The following SNX29 variants were observed in gnomAD, a reference collection of about 807,000 sequenced individuals.
SNX29 encodes the protein sorting nexin 29, also known as sorting nexin-29.
A neutral mutation model predicts 102.1 loss-of-function variants in SNX29; 78 were observed. The ratio of observed to expected loss-of-function variants is 0.76; its 90% confidence interval spans 0.64 to 0.92. SNX29 has a LOEUF of 0.92. Ranked by LOEUF, SNX29 falls within the 40% of genes least tolerant of loss-of-function variation. The pLI, the probability that SNX29 is intolerant of heterozygous loss-of-function variation, is 0.00. For missense variants in SNX29, 1,280 were observed against 1,061.7 expected (o/e 1.21, Z -2.86); for synonymous variants, 580 against 414.5 (o/e 1.40, Z -4.85).
At chr16:12,154,251 A>C (rs934137243) in intron 13 of SNX29, among the ~76,000 whole-genome samples, 8 of 152,180 alleles carry the variant, frequency 5.3e-5, no homozygotes, top group African/African-American at 1.7e-4. Context: ...AATTGCCCAC[A>C]GAAGGAGAAA....
intron 13 of SNX29, among the ~76,000 whole-genome samples, chr16:12,170,574 G>T (rs2076125013): frequency 6.6e-6 from 1 of 151,874 alleles, no homozygotes; most frequent in East Asian, 1.9e-4. Context: ...GGGCTGTGGG[G>T]GTGGAGAAGA....
chr16:12,524,703 A>G lies in SNX29; in HGVS notation c.2180A>G (p.Asp727Gly). The change falls in exon 20 of 21, where the codon GAT (aspartate) becomes GGT (glycine). Residue 727 changes from aspartate to glycine, a missense_variant and splice_region_variant. Physicochemically the swap from Asp to Gly is moderately conservative, Grantham distance 94. Transcript: ENST00000566228. Reference sequence around the variant, plus strand: ...CGAAGATGTTTTGTGTTTCCTCAGGATGCCAAGTTTGTGGAGGAACGGAGA... The same window carrying G: ...CGAAGATGTTTTGTGTTTCCTCAGGGTGCCAAGTTTGTGGAGGAACGGAGA... The part of the protein sequence containing the change: ...FPPKKAIGNK[D>G]AKFVEERRKQ... 1 of 1,613,102 alleles carries G rather than the reference A, an allele frequency of 6.2e-7. No homozygotes were observed. The highest frequency in any genetic ancestry group is 8.5e-7 in the Non-Finnish European group (1 of 1,179,476).
intron 14 of SNX29, among the ~76,000 whole-genome samples, chr16:12,203,865 G>A (rs1473314334): frequency 6.6e-6 from 1 of 152,230 alleles, no homozygotes; most frequent in Non-Finnish European, 1.5e-5. Context: ...TGGCTTGAGT[G>A]ACTTCCCCAT....
Position 12,568,672 on chromosome 16 carries a change from C to T in SNX29, c.*43C>T, listed in dbSNP as rs373991486. On this transcript the variant is annotated 3_prime_UTR_variant, in exon 21 of 21. Transcript: ENST00000566228. ...CCACGGGCCCTGTGCGTGGCACCAGCTGCGTCCACCCCAGCCACTGCCGCT... is the reference window on the plus strand; with the variant it reads ...CCACGGGCCCTGTGCGTGGCACCAGTTGCGTCCACCCCAGCCACTGCCGCT... The T allele has an allele frequency of 5.0e-4, 797 of 1,589,814 alleles. 3 individuals carry two copies. The African/African-American group carries it at 8.2e-3, about 16-fold the overall frequency.
At chr16:12,276,394 A>T (rs2079251688) in intron 14 of SNX29, among the ~76,000 whole-genome samples, 1 of 152,054 alleles carries the variant, frequency 6.6e-6, no homozygotes, top group African/African-American at 2.4e-5. Context: ...CAGGGTCTTG[A>T]GCCTTCGGCG....
At chr16:11,984,043 C>T (rs1446677411) in intron 1 of SNX29, among the ~76,000 whole-genome samples, 3 of 152,046 alleles carry the variant, frequency 2.0e-5, no homozygotes, top group Admixed American at 6.6e-5. Context: ...TAAAAAGTGT[C>T]CTTAGGGGGA....
At chr16:12,529,442 A>G (rs1302099294) in intron 20 of SNX29, among the ~76,000 whole-genome samples, 2 of 152,226 alleles carry the variant, frequency 1.3e-5, no homozygotes, top group East Asian at 3.8e-4. Flanking sequence ...GAATTCGCTC[A>G]GTGAGACTGG....
intron 10 of SNX29, among the ~76,000 whole-genome samples, chr16:12,075,349 A>T (rs185823771): frequency 2.0e-5 from 3 of 152,000 alleles, no homozygotes; most frequent in Admixed American, 1.3e-4. Flanking sequence ...TTTGGTGTGG[A>T]TGTCTTTTCT....
intron 18 of SNX29, among the ~76,000 whole-genome samples, chr16:12,445,155 GT>G (rs1345077307): frequency 6.6e-6 from 1 of 150,748 alleles, no homozygotes; most frequent in Admixed American, 6.6e-5. Flanking sequence ...CTGGCTGACA[GT>G]TTTTTTTTGT....
intron 14 of SNX29, among the ~76,000 whole-genome samples, chr16:12,218,394 T>A (rs1399842068): frequency 6.6e-6 from 1 of 152,240 alleles, no homozygotes; most frequent in Non-Finnish European, 1.5e-5. Flanking sequence ...TGTCAGGAGT[T>A]GGGAAACCAT....
chr16:12,410,451 T>C (rs1262226366), intron 18 of SNX29, among the ~76,000 whole-genome samples: 1 of 152,126 alleles, frequency 6.6e-6, no homozygotes, highest in Admixed American at 6.5e-5. Context: ...GTGGTTATTA[T>C]TATTACTTTG....
chr16:12,433,227 A>T (rs745918027), intron 18 of SNX29, among the ~76,000 whole-genome samples: 3 of 152,140 alleles, frequency 2.0e-5, no homozygotes, highest in Admixed American at 1.3e-4. Flanking sequence ...AAACAGAGAA[A>T]AGAAATGTCT....
chr16:12,552,168 C>T (rs184600074), intron 20 of SNX29, among the ~76,000 whole-genome samples: 10 of 152,274 alleles, frequency 6.6e-5, no homozygotes, highest in Admixed American at 6.5e-4. Context: ...ATCTACTAAT[C>T]CTGCAGAAAG....
At chr16:12,460,323 G>A (rs1180391790) in intron 18 of SNX29, among the ~76,000 whole-genome samples, 2 of 152,210 alleles carry the variant, frequency 1.3e-5, no homozygotes, top group Non-Finnish European at 2.9e-5. Flanking sequence ...AGAGTTGAGT[G>A]CCTTGCTTGT....
intron 13 of SNX29, among the ~76,000 whole-genome samples, chr16:12,140,212 C>T (rs2054821956): frequency 6.6e-6 from 1 of 152,174 alleles, no homozygotes; most frequent in Non-Finnish European, 1.5e-5. Flanking sequence ...CTCTTTCCCT[C>T]GGTCTTGGCT....
intron 20 of SNX29, among the ~76,000 whole-genome samples, chr16:12,547,242 C>G (rs1009809499): frequency 6.6e-6 from 1 of 152,218 alleles, no homozygotes; most frequent in East Asian, 1.9e-4. Context: ...GCAGTGGACA[C>G]AGCAGGTGCA....
At chr16:12,361,396 CA>C (rs2082295631) in intron 16 of SNX29, among the ~76,000 whole-genome samples, 1 of 152,234 alleles carries the variant, frequency 6.6e-6, no homozygotes. Flanking sequence ...GTCAGTGCAT[CA>C]TTCTCATTGT....
intron 15 of SNX29, among the ~76,000 whole-genome samples, chr16:12,355,936 A>C (rs9922894): frequency 6.6e-6 from 1 of 151,542 alleles, no homozygotes; most frequent in African/African-American, 2.4e-5. Context: ...TATTTGGACC[A>C]TAACTTCATA....
At chr16:12,493,860 G>A (rs957564255) in intron 19 of SNX29, among the ~76,000 whole-genome samples, 2 of 152,164 alleles carry the variant, frequency 1.3e-5, no homozygotes, top group African/African-American at 4.8e-5. Context: ...CCAAAATGCT[G>A]GGGTTACAGG....
Sources: gnomAD v4.1 joint callset for allele counts (sites outside exome capture counted in the v4.1 genomes callset) on GRCh38, gnomAD v4.1.1 for gene constraint, MANE v1.5 for transcripts, NCBI Gene and HGNC (gene_info 2026-07-23, HGNC 2026-07-21) for gene names.